The following FSBP variants were observed in gnomAD, a reference collection of about 807,000 sequenced individuals.
FSBP encodes the protein fibrinogen silencer binding protein.
FSBP carries 18 observed loss-of-function variants against 24.6 expected under a neutral mutation model. That is an observed-to-expected ratio of 0.73 (90% CI 0.51 to 1.08). FSBP has a LOEUF of 1.08. Among genes scored for constraint, FSBP ranks in the 50% least tolerant of loss-of-function variants. The probability of loss-of-function intolerance (pLI) is 0.00; values close to 1 mark genes in which losing one functional copy is unlikely to be tolerated. For missense variants in FSBP, 305 were observed against 347.6 expected, an observed-to-expected ratio of 0.88 and a Z score of 0.98; for synonymous variants, 110 against 125.8, an observed-to-expected ratio of 0.87 and a Z score of 0.84.
rs1812131333 is a variant in FSBP at position 94,432,513 on chromosome 8, C to T, written c.518G>A (p.Ser173Asn). Residue 173 changes from serine to asparagine, a missense_variant, in exon 2 of 2, where the codon AGT (serine) becomes AAT (asparagine). Ser to Asn is a conservative substitution (Grantham distance 46). Transcript: ENST00000481490. ...PPPLVLNSQQ[S>N]DTLEQREEHE... is the part of the protein sequence containing the mutation. ...TTCTTCTCTTTGCTCTAAAGTATCA[C>T]TCTGTTGAGAATTTAAAACCAGTGG... The T allele has an allele frequency of 6.4e-7, 1 of 1,550,526 alleles. No individual in the cohort carries two copies. Among genetic ancestry groups the T allele is most frequent in the African/African-American group, 1.4e-5 (1 of 73,028 alleles).
Position 94,430,434 on chromosome 8 carries a change from G to C in FSBP, c.*1697C>G. 5.1e-6 allele frequency: 5 copies of C among 985,038 alleles called. No homozygotes were observed. Among genetic ancestry groups the C allele is most frequent in the African/African-American group, 1.7e-5 (1 of 57,228 alleles). 61.0% of individuals were successfully genotyped at this position (985,038 alleles called of 1,614,324 possible). On this transcript the variant is annotated 3_prime_UTR_variant, in exon 2 of 2. Coordinates refer to ENST00000481490, the MANE Select transcript of FSBP (RefSeq NM_001256141.2). ...AAAATTTTGAGACTAGTATGATTTA[G>C]GCACCAAGCGAGGTTCCAAAATACT...
Position 94,432,519 on chromosome 8 carries a change from T to C in FSBP, c.512A>G (p.Gln171Arg), listed in dbSNP as rs1443299469. 6.4e-7 allele frequency: 1 copy of C among 1,550,572 alleles called. No individual in the cohort carries two copies. The highest frequency in any genetic ancestry group is 1.4e-5 in the African/African-American group (1 of 73,040). Residue 171 changes from glutamine (Q) to arginine (R), a missense_variant, in exon 2 of 2, where the codon CAA becomes CGA. By Grantham distance (43) the Gln-to-Arg change is conservative. Transcript: ENST00000481490. ...KPPPPLVLNSQQSDTLEQREE... is the reference protein window; with the variant it reads ...KPPPPLVLNSRQSDTLEQREE... ...TCTTTGCTCTAAAGTATCACTCTGT[T>C]GAGAATTTAAAACCAGTGGAGGAGG...
At chr8:94,433,445 A>G (rs1409394639) in intron 1 of FSBP, among the ~76,000 whole-genome samples, 1 of 152,058 alleles carries the variant, frequency 6.6e-6, no homozygotes, top group Non-Finnish European at 1.5e-5. Context: ...AATGACTGAA[A>G]AAAAACAAAC....
chr8:94,431,710 A>G lies in FSBP; in HGVS notation c.*421T>C. 2 of 985,736 alleles carry G rather than the reference A, an allele frequency of 2.0e-6. No homozygotes were observed. Among genetic ancestry groups the G allele is most frequent in the Non-Finnish European group, 1.2e-6 (1 of 829,942 alleles). 61.1% of individuals were successfully genotyped at this position (985,736 alleles called of 1,614,324 possible). On this transcript the variant is annotated 3_prime_UTR_variant, in exon 2 of 2. Transcript: ENST00000481490. Reference sequence around the variant, plus strand: ...AGATAAAAGCATAAAAACCAATGTCATACAGACAAGCTTCTTGGTATTAGG... The same window carrying G: ...AGATAAAAGCATAAAAACCAATGTCGTACAGACAAGCTTCTTGGTATTAGG...
chr8:94,429,964 C>T lies in FSBP; in HGVS notation c.*2167G>A. 2.0e-6 allele frequency: 2 copies of T among 985,194 alleles called. No homozygotes were observed. Among genetic ancestry groups the T allele is most frequent in the Non-Finnish European group, 2.4e-6 (2 of 829,836 alleles). The allele number at this position is 985,194 out of a possible 1,614,324, so 61.0% of individuals were successfully genotyped here. On this transcript the variant is annotated 3_prime_UTR_variant, in exon 2 of 2. Transcript: ENST00000481490. ...AAATCACAACTATAATCAAATTAGC[C>T]CTCTAATTCAAAGCATTCAATGGCT...
In FSBP at chr8:94,428,714, GCAGA is replaced by G. The variant is rs1812005537; in HGVS notation, c.*3413_*3416del. On this transcript the variant is annotated 3_prime_UTR_variant, in exon 2 of 2. Transcript: ENST00000481490. ...AGTTCAATCTGCAGATGTGAAACCT[GCAGA>G]TAGAAAGCCAAGTGTACATTCCATT... 1.0e-6 allele frequency: 1 copy of G among 964,588 alleles called. No individual in the cohort carries two copies. Among genetic ancestry groups the G allele is most frequent in the Non-Finnish European group, 1.2e-6 (1 of 811,136 alleles). 59.8% of individuals were successfully genotyped at this position (964,588 alleles called of 1,614,324 possible).
intron 1 of FSBP, among the ~76,000 whole-genome samples, chr8:94,436,119 T>C (rs1264260957): frequency 6.6e-6 from 1 of 152,116 alleles, no homozygotes; most frequent in African/African-American, 2.4e-5. Context: ...TTATATAAAA[T>C]TGAAAATTCC....
Position 94,429,179 on chromosome 8 carries a change from C to A in FSBP, c.*2952G>T, listed in dbSNP as rs1320347217. The A allele has an allele frequency of 1.1e-6, 1 of 874,464 alleles. No individual in the cohort carries two copies. Among genetic ancestry groups the A allele is most frequent in the Non-Finnish European group, 1.4e-6 (1 of 729,186 alleles). The allele number at this position is 874,464 out of a possible 1,614,324, so 54.2% of individuals were successfully genotyped here. A position where few individuals can be genotyped will look rare whatever the true frequency, so the allele number is the denominator to read the frequency against. On this transcript the variant is annotated 3_prime_UTR_variant, in exon 2 of 2. Transcript: ENST00000481490. ...AAAATAGGTTTCTTATTGTATACAG[C>A]CCCTAAATGCTAATGAATTGTGTCA...
Position 94,430,556 on chromosome 8 carries a change from G to T in FSBP, c.*1575C>A. The T allele has an allele frequency of 1.4e-6, 1 of 717,964 alleles. No individual in the cohort carries two copies. Among genetic ancestry groups the T allele is most frequent in the Non-Finnish European group, 1.7e-6 (1 of 586,598 alleles). The allele number at this position is 717,964 out of a possible 1,614,324, so 44.5% of individuals were successfully genotyped here. ...ACCCCCAGGGTTTCTAATTCACTTG[G>T]AAATGGATTTACATTTCTAACAAGT... On this transcript the variant is annotated 3_prime_UTR_variant, in exon 2 of 2. Transcript: ENST00000481490.
rs145810120 is a variant in FSBP, at chr8:94,433,996, A to C, written c.375-1340T>G. 9.6e-3 allele frequency among the ~76,000 whole-genome samples: 1,456 copies of C among 151,900 alleles called. 15 individuals carry two copies. Among genetic ancestry groups the C allele is most frequent in the Non-Finnish European group, 0.017 (1,139 of 67,750 alleles). ...AGACAAAATGAAACATATATAGTAT[A>C]TAATAAAAAATCTATTTGTAGGTTA... is the stretch of plus-strand genomic sequence containing the variant. On this transcript the variant is annotated intron_variant, in intron 1 of 1. Coordinates refer to ENST00000481490, the MANE Select transcript of FSBP (RefSeq NM_001256141.2).
chr8:94,431,970 T>C lies in FSBP; in HGVS notation c.*161A>G. On this transcript the variant is annotated 3_prime_UTR_variant, in exon 2 of 2. Transcript: ENST00000481490. ...ATGCCAACCAACCAGTAAATTTTAA[T>C]ATCTCAAAAGAAAATAATTAGAAAA... is the stretch of plus-strand genomic sequence containing the variant. 7.7e-7 allele frequency: 1 copy of C among 1,300,822 alleles called. No homozygotes were observed. The highest frequency in any genetic ancestry group is 9.8e-7 in the Non-Finnish European group (1 of 1,020,832). 80.6% of individuals were successfully genotyped at this position (1,300,822 alleles called of 1,614,324 possible).
In FSBP at chr8:94,431,019, C is replaced by G. The variant is rs1389796817; in HGVS notation, c.*1112G>C. 2 of 985,232 alleles carry G rather than the reference C, an allele frequency of 2.0e-6. No homozygotes were observed. Among genetic ancestry groups the G allele is most frequent in the Non-Finnish European group, 2.4e-6 (2 of 829,914 alleles). 61.0% of individuals were successfully genotyped at this position (985,232 alleles called of 1,614,324 possible). ...CAAACACCCATGGTCCCCTTCACTG[C>G]TGAAATTACACCCACCCCATTCTAC... On this transcript the variant is annotated 3_prime_UTR_variant, in exon 2 of 2. Coordinates refer to ENST00000481490, the MANE Select transcript of FSBP (RefSeq NM_001256141.2).
chr8:94,428,987 G>A lies in FSBP; in HGVS notation c.*3144C>T, dbSNP rs1338992625. ...CAGGAATTCTCATAAACTATACTAT[G>A]TTAATCATGGTTATACAAGGGGAGG... On this transcript the variant is annotated 3_prime_UTR_variant, in exon 2 of 2. Transcript: ENST00000481490. 2 of 982,214 alleles carry A rather than the reference G, an allele frequency of 2.0e-6. No individual in the cohort carries two copies. The highest frequency in any genetic ancestry group is 2.4e-6 in the Non-Finnish European group (2 of 827,066). 60.8% of individuals were successfully genotyped at this position (982,214 alleles called of 1,614,324 possible). A position where few individuals can be genotyped will look rare whatever the true frequency, so the allele number is the denominator to read the frequency against.
rs3136404 is a variant in FSBP, at chr8:94,436,943, A to G, written c.-75T>C. 1.2e-5 allele frequency: 18 copies of G among 1,450,808 alleles called. No homozygotes were observed. In the African/African-American group the frequency reaches 2.4e-4, roughly 20 times the overall value. 89.9% of individuals were successfully genotyped at this position (1,450,808 alleles called of 1,614,324 possible). A position where few individuals can be genotyped will look rare whatever the true frequency, so the allele number is the denominator to read the frequency against. ...CAGCTCTGCTCAGCTCTTTTCACAAACAGAAAAAGATCAGGCTTAACTAGG... is the reference window on the plus strand; with the variant it reads ...CAGCTCTGCTCAGCTCTTTTCACAAGCAGAAAAAGATCAGGCTTAACTAGG... On this transcript the variant is annotated 5_prime_UTR_variant, in exon 1 of 2. Transcript: ENST00000481490.
rs1420365079 is a variant in FSBP, at chr8:94,432,353, C to A, written c.678G>T (p.Arg226Ser). The change falls in exon 2 of 2, where the codon AGG becomes AGT. Residue 226 changes from arginine to serine, a missense_variant. By Grantham distance (110) the Arg-to-Ser change is moderately radical. Coordinates refer to ENST00000481490, the MANE Select transcript of FSBP (RefSeq NM_001256141.2). Reference protein sequence around the residue: ...FFRHESGEHFRSLLGYDPQIL... With the variant: ...FFRHESGEHFSSLLGYDPQIL... Reference sequence around the variant, plus strand: ...TCTGAGGATCATACCCTAATAGTGACCTAAAGTGTTCACCACTCTCATGCC... The same window carrying A: ...TCTGAGGATCATACCCTAATAGTGAACTAAAGTGTTCACCACTCTCATGCC... 8.4e-6 allele frequency: 13 copies of A among 1,550,142 alleles called. No individual in the cohort carries two copies. Among genetic ancestry groups the A allele is most frequent in the African/African-American group, 2.7e-5 (2 of 72,982 alleles).
Position 94,432,366 on chromosome 8 carries a change from C to T in FSBP, c.665G>A (p.Gly222Asp), listed in dbSNP as rs1305292755. 2.6e-6 allele frequency: 4 copies of T among 1,550,344 alleles called. No homozygotes were observed. The highest frequency in any genetic ancestry group is 3.5e-6 in the Non-Finnish European group (4 of 1,146,860). ...CCCTAATAGTGACCTAAAGTGTTCA[C>T]CACTCTCATGCCGAAAAAAATCATC... The part of the protein sequence containing the change: ...RRDDFFRHES[G>D]EHFRSLLGYD... The change falls in exon 2 of 2, where the codon GGT (glycine) becomes GAT (aspartate). Residue 222 changes from glycine to aspartate, a missense_variant. Physicochemically the swap from Gly to Asp is moderately conservative, Grantham distance 94 (BLOSUM62 -1). Coordinates refer to ENST00000481490, the MANE Select transcript of FSBP (RefSeq NM_001256141.2).
At chr8:94,435,698 G>T (rs1219621534) in intron 1 of FSBP, among the ~76,000 whole-genome samples, 1 of 151,876 alleles carries the variant, frequency 6.6e-6, no homozygotes, top group African/African-American at 2.4e-5. Context: ...CCAAAAAATT[G>T]CTTCTAACTC....
chr8:94,428,379 G>C lies in FSBP; in HGVS notation c.*3752C>G. 1 of 952,578 alleles carries C rather than the reference G, an allele frequency of 1.0e-6. No homozygotes were observed. The highest frequency in any genetic ancestry group is 1.2e-4 in the East Asian group (1 of 8,630). The allele number at this position is 952,578 out of a possible 1,614,324, so 59.0% of individuals were successfully genotyped here. A position where few individuals can be genotyped will look rare whatever the true frequency, so the allele number is the denominator to read the frequency against. On this transcript the variant is annotated 3_prime_UTR_variant, in exon 2 of 2. Transcript: ENST00000481490. ...ATAGTCATCCCTCAGTATCCAAGGGGGATTGGTTTCAGGACACCCCCTACC... is the reference window on the plus strand; with the variant it reads ...ATAGTCATCCCTCAGTATCCAAGGGCGATTGGTTTCAGGACACCCCCTACC...
chr8:94,429,768 T>A lies in FSBP; in HGVS notation c.*2363A>T. ...AGGACATCTTTATAATTAAAGAAGT[T>A]AACTCTACCAGCTATAAAACACCCT... is the stretch of plus-strand genomic sequence containing the variant. On this transcript the variant is annotated 3_prime_UTR_variant, in exon 2 of 2. Transcript: ENST00000481490. 1.0e-6 allele frequency: 1 copy of A among 984,934 alleles called. No individual in the cohort carries two copies. The highest frequency in any genetic ancestry group is 1.2e-6 in the Non-Finnish European group (1 of 829,478). The allele number at this position is 984,934 out of a possible 1,614,324, so 61.0% of individuals were successfully genotyped here. A position where few individuals can be genotyped will look rare whatever the true frequency, so the allele number is the denominator to read the frequency against.
Sources: allele counts gnomAD v4.1 joint callset (sites outside exome capture counted in the v4.1 genomes callset), GRCh38; gene constraint gnomAD v4.1.1; transcripts MANE v1.5; gene names NCBI Gene and HGNC (gene_info 2026-07-23, HGNC 2026-07-21).